The following KCNQ5 variants were observed in gnomAD, a reference collection of about 807,000 sequenced individuals.
KCNQ5 encodes the protein potassium voltage-gated channel subfamily Q member 5, also known as potassium voltage-gated channel subfamily KQT member 5.
In KCNQ5, 30 loss-of-function variants were observed where a neutral mutation model predicts 98.2. The ratio of observed to expected loss-of-function variants is 0.31; its 90% CI spans 0.23 to 0.41. The LOEUF is 0.41. Ranked by LOEUF, KCNQ5 falls within the 10% of genes least tolerant of loss-of-function variation. The pLI, the probability that KCNQ5 is intolerant of heterozygous loss-of-function variation, is 1.00. For missense variants in KCNQ5, 835 were observed against 1,182.5 expected (o/e 0.71, Z 4.31); for synonymous variants, 458 against 449.4 (o/e 1.02, Z -0.24).
chr6:72,907,893 C>G (rs897536207), intron 1 of KCNQ5, among the ~76,000 whole-genome samples: 1 of 151,994 alleles, frequency 6.6e-6, no homozygotes, highest in Admixed American at 6.5e-5. Context: ...AAATCCACAT[C>G]ATTAAGAGAA....
chr6:73,047,736 T>A (rs1772036120), intron 3 of KCNQ5, among the ~76,000 whole-genome samples: 1 of 152,216 alleles, frequency 6.6e-6, no homozygotes, highest in South Asian at 2.1e-4. Context: ...GTGTCAAACA[T>A]AATCTTAAGT....
chr6:73,169,938 G>A, intron 11 of KCNQ5, 84 bp downstream of exon 11: 1 of 875,882 alleles, frequency 1.1e-6, no homozygotes, highest in Non-Finnish European at 1.9e-6. Flanking sequence ...TTTTTCTGCA[G>A]GTAAATATCC....
intron 11 of KCNQ5, among the ~76,000 whole-genome samples, chr6:73,174,480 G>A (rs1258366916): frequency 2.0e-5 from 3 of 152,182 alleles, no homozygotes; most frequent in Non-Finnish European, 2.9e-5. Context: ...TGCCTGCTAT[G>A]TTTCACTTTA....
At chr6:73,166,106 A>G (rs1444074792) in intron 10 of KCNQ5, among the ~76,000 whole-genome samples, 2 of 151,790 alleles carry the variant, frequency 1.3e-5, no homozygotes, top group Non-Finnish European at 2.9e-5. Flanking sequence ...TCTGTTCCTC[A>G]CTTTCATAAT....
At chr6:73,135,195 C>CA (rs10716541) in intron 10 of KCNQ5, 3 of 151,338 alleles carry the variant, frequency 2.0e-5, no homozygotes, top group South Asian at 2.1e-4. Context: ...AAGATGATAA[C>CA]AAAAAAATCA....
At chr6:72,898,100 G>T (rs534987914) in intron 1 of KCNQ5, among the ~76,000 whole-genome samples, 12 of 152,236 alleles carry the variant, frequency 7.9e-5, no homozygotes, top group African/African-American at 2.4e-4. Context: ...ATGAACAATG[G>T]CACCTGAGGG....
intron 1 of KCNQ5, among the ~76,000 whole-genome samples, chr6:72,957,170 CTTT>C (rs11374806): frequency 4.0e-5 from 5 of 125,340 alleles, no homozygotes; most frequent in Admixed American, 8.4e-5. Flanking sequence ...ATGTAGGAAG[CTTT>C]TTTTTTTTTT....
chr6:72,846,808 G>C (rs1777042226), intron 1 of KCNQ5, among the ~76,000 whole-genome samples: 1 of 152,148 alleles, frequency 6.6e-6, no homozygotes, highest in Non-Finnish European at 1.5e-5. Context: ...GTAGTTAAAA[G>C]GTCCTATTGC....
intron 1 of KCNQ5, among the ~76,000 whole-genome samples, chr6:72,727,824 C>G (rs1251619145): frequency 1.3e-5 from 2 of 152,032 alleles, no homozygotes. Context: ...GTCTACTGCA[C>G]CTTGATTTCA....
At chr6:72,822,513 T>C (rs937081419) in intron 1 of KCNQ5, among the ~76,000 whole-genome samples, 6 of 152,216 alleles carry the variant, frequency 3.9e-5, no homozygotes, top group African/African-American at 1.2e-4. Flanking sequence ...CCACAAAGTA[T>C]AAAGATAGAG....
chr6:72,762,425 A>G (rs573331825), intron 1 of KCNQ5, among the ~76,000 whole-genome samples: 1 of 152,184 alleles, frequency 6.6e-6, no homozygotes, highest in African/African-American at 2.4e-5. Context: ...TTAAAAAAAA[A>G]AATAGAATAC....
chr6:72,684,118 A>G (rs533897919), intron 1 of KCNQ5, among the ~76,000 whole-genome samples: 31 of 152,340 alleles, frequency 2.0e-4, no homozygotes, highest in African/African-American at 7.5e-4. Flanking sequence ...CCTGGTCTCT[A>G]TAAAGCAAAA....
At chr6:73,111,466 T>C in intron 7 of KCNQ5, 63 bp downstream of exon 7, 1 of 1,066,586 alleles carries the variant, frequency 9.4e-7, no homozygotes, top group Non-Finnish European at 1.4e-6. Flanking sequence ...TGGGTCATTT[T>C]CCAATCTCTG....
intron 1 of KCNQ5, among the ~76,000 whole-genome samples, chr6:72,908,565 A>T (rs1472593706): frequency 6.6e-6 from 1 of 152,140 alleles, no homozygotes; most frequent in Non-Finnish European, 1.5e-5. Flanking sequence ...CCACAGGCAG[A>T]TTTTTCATAT....
At chr6:73,110,297 A>T (rs534699308) in intron 6 of KCNQ5, among the ~76,000 whole-genome samples, 4 of 152,180 alleles carry the variant, frequency 2.6e-5, no homozygotes, top group South Asian at 2.1e-4. Flanking sequence ...CATGCTAATA[A>T]ACTCAAGAGT....
chr6:73,112,916 C>A (rs947698594), intron 7 of KCNQ5, among the ~76,000 whole-genome samples: 68 of 152,176 alleles, frequency 4.5e-4, no homozygotes, highest in African/African-American at 1.3e-3. Flanking sequence ...GCATGACTTC[C>A]AGTGCAAATC....
At chr6:72,736,470 T>C (rs917014037) in intron 1 of KCNQ5, among the ~76,000 whole-genome samples, 1 of 151,452 alleles carries the variant, frequency 6.6e-6, no homozygotes, top group African/African-American at 2.4e-5. Flanking sequence ...ATTAACATAA[T>C]ATAAATTATG....
chr6:72,829,801 T>A (rs1381045651), intron 1 of KCNQ5, among the ~76,000 whole-genome samples: 5 of 152,088 alleles, frequency 3.3e-5, no homozygotes, highest in Non-Finnish European at 7.4e-5. Context: ...CAAGTTTACA[T>A]AAAAAAGAAC....
At chr6:72,986,989 A>G in intron 1 of KCNQ5, 1 of 800,502 alleles carries the variant, frequency 1.2e-6, no homozygotes, top group Non-Finnish European at 2.1e-6. Flanking sequence ...AAGGTGAAGA[A>G]GAAGAAAACA....
Sources: gnomAD v4.1 joint callset for allele counts (sites outside exome capture counted in the v4.1 genomes callset) on GRCh38, gnomAD v4.1.1 for gene constraint, MANE v1.5 for transcripts, NCBI Gene and HGNC (gene_info 2026-07-23, HGNC 2026-07-21) for gene names.